ACTN2: variants seen among roughly 807,000 people sequenced by gnomAD.
ACTN2 encodes the protein actinin alpha 2, also known as alpha-actinin-2.
A neutral mutation model predicts 113.8 loss-of-function variants in ACTN2; 39 were observed. The ratio of observed to expected loss-of-function variants is 0.34; its 90% CI spans 0.27 to 0.45. The LOEUF (loss-of-function observed/expected upper bound fraction) is 0.45. ACTN2 is among the 20% of genes least tolerant of loss of function. The probability of loss-of-function intolerance (pLI) is 1.00; values close to 1 mark genes in which losing one functional copy is unlikely to be tolerated. For synonymous variants in ACTN2, 429 were observed against 444.1 expected, an observed-to-expected ratio of 0.97 and a Z score of 0.43; for missense variants, 992 against 1,177.9, an observed-to-expected ratio of 0.84 and a Z score of 2.31.
Position 236,755,102 on chromosome 1 carries a change from C to G in ACTN2, c.2058C>G (p.Ile686Met). The G allele has an allele frequency of 6.2e-7, 1 of 1,614,196 alleles. No homozygotes were observed. The highest frequency in any genetic ancestry group is 1.1e-5 in the South Asian group (1 of 91,076). ...NQLKQYEHNI[I>M]NYKNNIDKLE... is the part of the protein sequence containing the mutation. ...TGAAGCAGTATGAGCACAACATCAT[C>G]AACTATAAGAACAACATCGACAAGC... The change falls in exon 17 of 21, where the codon ATC becomes ATG. Residue 686 changes from isoleucine to methionine, a missense_variant. Ile to Met is a conservative substitution (Grantham distance 10). Around this residue, in one of 3 missense-constraint regions of ACTN2, gnomAD observed 736 missense variants for 815.4 expected, o/e 0.90. Transcript: ENST00000366578.
At chr1:236,718,364 A>C (rs1214409459) in intron 2 of ACTN2, among the ~76,000 whole-genome samples, 2 of 152,204 alleles carry the variant, frequency 1.3e-5, no homozygotes, top group Non-Finnish European at 1.5e-5. Context: ...CTAAAATCCC[A>C]GTGGGGCTAT....
At chr1:236,717,060 C>T (rs1415494404) in intron 1 of ACTN2, among the ~76,000 whole-genome samples, 1 of 69,086 alleles carries the variant, frequency 1.4e-5, no homozygotes, top group African/African-American at 5.6e-5. Context: ...GTCTCGAACT[C>T]CTGACCTCAA....
chr1:236,719,003 T>A lies in ACTN2; in HGVS notation c.351T>A (p.Ile117=), dbSNP rs1341864. Reference sequence around the variant, plus strand: ...GCAAAGGGGTGAAACTGGTGTCCATTGGCGCTGAAGGTGAGAGGTGTGGTG... The same window carrying A: ...GCAAAGGGGTGAAACTGGTGTCCATAGGCGCTGAAGGTGAGAGGTGTGGTG... ...IASKGVKLVS[I]GAEEIVDGNV... is the part of the protein sequence containing the mutation. Residue 117 remains isoleucine, a synonymous_variant, in exon 3 of 21, where the codon ATT becomes ATA. Transcript: ENST00000366578. The A allele has an allele frequency of 6.2e-7, 1 of 1,613,966 alleles. No individual in the cohort carries two copies. Among genetic ancestry groups the A allele is most frequent in the African/African-American group, 1.3e-5 (1 of 74,916 alleles).
chr1:236,752,349 G>C (rs763862502), intron 15 of ACTN2, among the ~76,000 whole-genome samples: 7 of 152,064 alleles, frequency 4.6e-5, no homozygotes, highest in Non-Finnish European at 8.8e-5. Context: ...GTTATAAACA[G>C]CGCAAAAGAC....
At chr1:236,751,722 C>T (rs533529448) in intron 15 of ACTN2, 70 bp downstream of exon 15, 17 of 1,577,272 alleles carry the variant, frequency 1.1e-5, no homozygotes, top group South Asian at 8.9e-5. Flanking sequence ...AGGAAGTTAA[C>T]GCCTCGGGGA....
intron 1 of ACTN2, 123 bp from the exon 2 acceptor site, chr1:236,717,735 G>A: frequency 2.7e-6 from 2 of 733,602 alleles, no homozygotes; most frequent in Admixed American, 2.0e-5. Context: ...GCATCCTCTA[G>A]AAGCCCAAGC....
rs148972050 is a variant in ACTN2 at position 236,762,593 on chromosome 1, G to A, written c.2659G>A (p.Ala887Thr). Residue 887 changes from alanine to threonine, a missense_variant, in exon 21 of 21, where the codon GCA (alanine) becomes ACA (threonine). This residue lies in a region of ACTN2 where 736 missense variants were observed against 815.4 expected (regional missense o/e 0.90). Coordinates refer to ENST00000366578, the MANE Select transcript of ACTN2 (RefSeq NM_001103.4). ...ACTGGATTACGCTGCGTTCTCTTCC[G>A]CACTCTACGGGGAGAGCGATCTGTG... ...GALDYAAFSS[A>T]LYGESDL 103 of 1,613,946 alleles carry A rather than the reference G, an allele frequency of 6.4e-5. No homozygotes were observed. The highest frequency in any genetic ancestry group is 2.2e-5 in the South Asian group (2 of 91,064).
intron 1 of ACTN2, among the ~76,000 whole-genome samples, chr1:236,689,327 A>G (rs1333282779): frequency 2.6e-5 from 1 of 38,442 alleles, no homozygotes; most frequent in Admixed American, 3.6e-4. Flanking sequence ...ATATATATAT[A>G]TATATATATA....
intron 14 of ACTN2, among the ~76,000 whole-genome samples, chr1:236,750,593 G>C (rs1287397220): frequency 6.6e-6 from 1 of 152,178 alleles, no homozygotes; most frequent in South Asian, 2.1e-4. Context: ...TCTTTGAGCC[G>C]CTGAATTTGT....
At chr1:236,720,631 CT>C (rs1658357955) in intron 4 of ACTN2, among the ~76,000 whole-genome samples, 2 of 151,756 alleles carry the variant, frequency 1.3e-5, no homozygotes, top group South Asian at 4.2e-4. Flanking sequence ...TCTTCTTTTT[CT>C]TTTTAAACAA....
chr1:236,751,108 A>G lies in ACTN2; in HGVS notation c.1657-362A>G, dbSNP rs957959475. ...CTGTCTCAAAAAAAAAAAAAAAAAA[A>G]AAAAAAAGGAAGTGCCGCTAAGTTA... On this transcript the variant is annotated intron_variant, in intron 14 of 20. Coordinates refer to ENST00000366578, the MANE Select transcript of ACTN2 (RefSeq NM_001103.4). 1.5e-4 allele frequency among the ~76,000 whole-genome samples: 23 copies of G among 151,486 alleles called. No homozygotes were observed. The East Asian group carries it at 4.1e-3, about 27-fold the overall frequency.
intron 3 of ACTN2, 34 bp downstream of exon 3, chr1:236,719,047 A>G (rs557641600): frequency 1.9e-6 from 3 of 1,612,812 alleles, no homozygotes; most frequent in South Asian, 2.2e-5. Flanking sequence ...TGTCTGCCAC[A>G]CTGACCTAAT....
chr1:236,713,512 C>A lies in ACTN2; in HGVS notation c.127-4346C>A, dbSNP rs1371385012. On this transcript the variant is annotated intron_variant, in intron 1 of 20. Transcript: ENST00000366578. ...AAAGTGCTGGGATTACAGGCATGAG[C>A]CACTGTGCCAAGCAAAGTATAGAAC... 4.6e-5 allele frequency among the ~76,000 whole-genome samples: 7 copies of A among 152,314 alleles called. No homozygotes were observed. In the East Asian group the frequency reaches 1.3e-3, roughly 29 times the overall value.
intron 2 of ACTN2, 125 bp from the exon 3 acceptor site, chr1:236,718,769 A>G: frequency 7.5e-7 from 1 of 1,333,520 alleles, no homozygotes; most frequent in Non-Finnish European, 1.1e-6. Flanking sequence ...GACCAGGCAC[A>G]CATCAGAAAT....
At chr1:236,721,015 G>GGTTTTTGTTTTTTTTTTTTTTTTTTTTT in intron 4 of ACTN2, among the ~76,000 whole-genome samples, 2 of 49,176 alleles carry the variant, frequency 4.1e-5, no homozygotes, top group African/African-American at 2.0e-4. Context: ...TCTGGTTTTT[G>GGTTTTTGTTTTTTTTTTTTTTTTTTTTT]TTTTTTGTTT....
intron 6 of ACTN2, 60 bp from the exon 7 acceptor site, chr1:236,731,173 C>T (rs1185386944): frequency 7.5e-7 from 1 of 1,336,414 alleles, no homozygotes; most frequent in Non-Finnish European, 1.1e-6. Context: ...AAGAAACATT[C>T]TTCATAAGTC....
At chr1:236,692,966 C>T (rs1010355376) in intron 1 of ACTN2, among the ~76,000 whole-genome samples, 2 of 152,118 alleles carry the variant, frequency 1.3e-5, no homozygotes, top group African/African-American at 2.4e-5. Context: ...GGAGTTCACA[C>T]GGAATGCGTT....
chr1:236,713,250 G>T, intron 1 of ACTN2, among the ~76,000 whole-genome samples: 1 of 148,910 alleles, frequency 6.7e-6, no homozygotes. Flanking sequence ...CTTTTGAGAC[G>T]GAGTTTCACT....
At chr1:236,730,133 G>A (rs2791959) in intron 6 of ACTN2, among the ~76,000 whole-genome samples, 1 of 152,204 alleles carries the variant, frequency 6.6e-6, no homozygotes. Context: ...TAATCTACCA[G>A]AGGCCACATG....
Sources: allele counts gnomAD v4.1 joint callset (sites outside exome capture counted in the v4.1 genomes callset), GRCh38; gene constraint gnomAD v4.1.1; regional missense constraint gnomAD v4.1.1; transcripts MANE v1.5; gene names NCBI Gene and HGNC (gene_info 2026-07-23, HGNC 2026-07-21).